The following NTM variants were observed in gnomAD, a reference collection of about 807,000 sequenced individuals.
NTM encodes IgLON family member 2.
In NTM, 13 loss-of-function variants were observed where a neutral mutation model predicts 42.1. The ratio of observed to expected loss-of-function variants is 0.31; its 90% confidence interval spans 0.20 to 0.49. NTM has a LOEUF of 0.49. Ranked by LOEUF, NTM falls within the 20% of genes least tolerant of loss-of-function variation. The probability of loss-of-function intolerance (pLI) is 0.99; values close to 1 mark genes in which losing one functional copy is unlikely to be tolerated. For missense variants in NTM, 373 were observed against 452.8 expected, an observed-to-expected ratio of 0.82 and a Z score of 1.60; for synonymous variants, 187 against 179.2, an observed-to-expected ratio of 1.04 and a Z score of -0.35.
chr11:131,923,622 G>GA (rs1408532752), intron 2 of NTM, among the ~76,000 whole-genome samples: 1 of 152,174 alleles, frequency 6.6e-6, no homozygotes, highest in Admixed American at 6.5e-5. Context: ...GGGTTTTATG[G>GA]AAAATCTAAT....
intron 1 of NTM, among the ~76,000 whole-genome samples, chr11:131,510,977 C>A (rs1406784854): frequency 2.0e-5 from 3 of 152,238 alleles, no homozygotes; most frequent in Non-Finnish European, 4.4e-5. Context: ...GTGTCCTAAC[C>A]TTGGTTCTGC....
chr11:131,427,225 G>A (rs1348041453), intron 1 of NTM, among the ~76,000 whole-genome samples: 2 of 151,890 alleles, frequency 1.3e-5, no homozygotes, highest in African/African-American at 4.8e-5. Context: ...AGAATTGCAG[G>A]AAAGACCATA....
chr11:132,228,655 C>T (rs113171706), intron 4 of NTM, among the ~76,000 whole-genome samples: 7 of 152,322 alleles, frequency 4.6e-5, no homozygotes, highest in African/African-American at 1.4e-4. Flanking sequence ...TAGTGAGTGA[C>T]CACAGTGTTT....
Position 131,650,664 on chromosome 11 carries a change from G to A in NTM, c.83-260900G>A, listed in dbSNP as rs1480731431. On this transcript the variant is annotated intron_variant, in intron 1 of 8. Coordinates refer to ENST00000683400, the MANE Select transcript of NTM (RefSeq NM_001352005.2). ...CACCATCATCATCTATGTAAGAAGGGCTCTGTTGAGGGATATAGGAACAGT... is the reference window on the plus strand; with the variant it reads ...CACCATCATCATCTATGTAAGAAGGACTCTGTTGAGGGATATAGGAACAGT... 1.3e-5 allele frequency among the ~76,000 whole-genome samples: 2 copies of A among 152,110 alleles called. 1 individual carries two copies. Among genetic ancestry groups the A allele is most frequent in the South Asian group, 4.1e-4 (2 of 4,830 alleles).
chr11:131,679,356 C>G (rs1392901808), intron 1 of NTM, among the ~76,000 whole-genome samples: 3 of 152,144 alleles, frequency 2.0e-5, no homozygotes, highest in Non-Finnish European at 4.4e-5. Flanking sequence ...AGCCCAAACT[C>G]TAGATCAAAT....
At chr11:131,910,509 G>T (rs371820321) in intron 1 of NTM, among the ~76,000 whole-genome samples, 1 of 151,500 alleles carries the variant, frequency 6.6e-6, no homozygotes, top group East Asian at 1.9e-4. Flanking sequence ...AGCGCAGTCC[G>T]CGCCGCCAGC....
chr11:132,037,934 C>G (rs2076706246), intron 2 of NTM, among the ~76,000 whole-genome samples: 1 of 152,218 alleles, frequency 6.6e-6, no homozygotes, highest in Non-Finnish European at 1.5e-5. Context: ...TCCGTGCACA[C>G]AAAGTAATTG....
At chr11:131,981,365 G>C (rs1428296489) in intron 2 of NTM, 1 of 152,168 alleles carries the variant, frequency 6.6e-6, no homozygotes, top group African/African-American at 2.4e-5. Flanking sequence ...ATGGCTTTCC[G>C]GTTAGCTGTG....
intron 1 of NTM, among the ~76,000 whole-genome samples, chr11:131,480,722 G>GCCCAC (rs1953482855): frequency 1.3e-5 from 2 of 152,106 alleles, no homozygotes; most frequent in Admixed American, 1.3e-4. Flanking sequence ...CTGAGTAAGG[G>GCCCAC]GGCGTGGGAG....
At chr11:131,994,970 T>C (rs1449851886) in intron 2 of NTM, among the ~76,000 whole-genome samples, 3 of 152,224 alleles carry the variant, frequency 2.0e-5, no homozygotes, top group Admixed American at 2.0e-4. Flanking sequence ...TTGTAATGTC[T>C]TTTATCTGCC....
chr11:132,000,250 C>A (rs2068928183), intron 2 of NTM, among the ~76,000 whole-genome samples: 1 of 152,200 alleles, frequency 6.6e-6, no homozygotes, highest in African/African-American at 2.4e-5. Context: ...TTCCAATAGC[C>A]TCCTCCCAAA....
At chr11:132,083,150 A>T (rs2059295057) in intron 2 of NTM, among the ~76,000 whole-genome samples, 1 of 152,158 alleles carries the variant, frequency 6.6e-6, no homozygotes, top group Non-Finnish European at 1.5e-5. Context: ...GTTTCTTCTG[A>T]GTTGCAGCCA....
intron 1 of NTM, among the ~76,000 whole-genome samples, chr11:131,518,957 G>A (rs192710089): frequency 6.6e-6 from 1 of 152,196 alleles, no homozygotes; most frequent in African/African-American, 2.4e-5. Flanking sequence ...GTCCTGTATT[G>A]TAGGTGCATT....
intron 2 of NTM, among the ~76,000 whole-genome samples, chr11:132,087,012 G>T (rs1399576037): frequency 6.6e-6 from 1 of 152,182 alleles, no homozygotes; most frequent in Non-Finnish European, 1.5e-5. Context: ...CATTCAAAAG[G>T]AAAGCAGACT....
At chr11:132,197,452 C>T (rs1444151712) in intron 3 of NTM, among the ~76,000 whole-genome samples, 1 of 151,392 alleles carries the variant, frequency 6.6e-6, no homozygotes, top group Non-Finnish European at 1.5e-5. Context: ...CATAACCACC[C>T]TATTAGGTAT....
intron 1 of NTM, among the ~76,000 whole-genome samples, chr11:131,866,671 C>T (rs2047257946): frequency 6.6e-6 from 1 of 152,166 alleles, no homozygotes; most frequent in Admixed American, 6.5e-5. Flanking sequence ...TCAGAAACAC[C>T]CTCGGATTAT....
At chr11:132,309,655 A>G (rs913478089) in intron 5 of NTM, among the ~76,000 whole-genome samples, 1 of 152,220 alleles carries the variant, frequency 6.6e-6, no homozygotes, top group Admixed American at 6.5e-5. Context: ...AGCGGCATCA[A>G]AAAGGTTTTT....
intron 1 of NTM, among the ~76,000 whole-genome samples, chr11:131,725,342 C>T (rs911216564): frequency 6.6e-6 from 1 of 152,128 alleles, no homozygotes; most frequent in Non-Finnish European, 1.5e-5. Context: ...AGGCAATATA[C>T]AATTTGAGGA....
chr11:131,833,615 A>G (rs775096251), intron 1 of NTM, among the ~76,000 whole-genome samples: 6 of 152,152 alleles, frequency 3.9e-5, no homozygotes, highest in Non-Finnish European at 5.9e-5. Flanking sequence ...ATCATCATGA[A>G]TTGAAGTCTT....
Sources: gnomAD v4.1 joint callset for allele counts (sites outside exome capture counted in the v4.1 genomes callset) on GRCh38, gnomAD v4.1.1 for gene constraint, MANE v1.5 for transcripts, NCBI Gene and HGNC (gene_info 2026-07-23, HGNC 2026-07-21) for gene names.